WDR70: variants seen among roughly 807,000 people sequenced by gnomAD.
The protein encoded by WDR70 is WD repeat domain 70, also known as WD repeat-containing protein 70.
A neutral mutation model predicts 88.6 loss-of-function variants in WDR70; 53 were observed. The ratio of observed to expected loss-of-function variants is 0.60; its 90% confidence interval spans 0.48 to 0.75. The LOEUF (loss-of-function observed/expected upper bound fraction) is 0.75, where lower values mean the gene tolerates loss of function less well. Ranked by LOEUF, WDR70 falls within the 30% of genes least tolerant of loss-of-function variation. The pLI, the probability that WDR70 is intolerant of heterozygous loss-of-function variation, is 0.00. For synonymous variants in WDR70, 280 were observed against 270.0 expected (o/e 1.04, Z -0.36); for missense variants, 610 against 823.2 (o/e 0.74, Z 3.17).
At chr5:37,379,695 C>A in intron 2 of WDR70, 141 bp downstream of exon 2, 1 of 904,534 alleles carries the variant, frequency 1.1e-6, no homozygotes, top group Non-Finnish European at 1.8e-6. Flanking sequence ...ATTCTTCTCC[C>A]ATTTGTCTTC....
chr5:37,543,918 A>G (rs1434515943), intron 9 of WDR70, among the ~76,000 whole-genome samples: 2 of 152,044 alleles, frequency 1.3e-5, no homozygotes, highest in Admixed American at 1.3e-4. Context: ...ACAGGTGCCC[A>G]CTGCCACACC....
chr5:37,495,496 G>A (rs895480177), intron 8 of WDR70, among the ~76,000 whole-genome samples: 3 of 151,972 alleles, frequency 2.0e-5, no homozygotes, highest in African/African-American at 7.3e-5. Context: ...GCGTGTGTGT[G>A]TGTGTGTTTT....
At chr5:37,694,887 C>T (rs1746937036) in intron 10 of WDR70, among the ~76,000 whole-genome samples, 1 of 151,972 alleles carries the variant, frequency 6.6e-6, no homozygotes, top group African/African-American at 2.4e-5. Context: ...TCATGCTACT[C>T]CTCTGCCTAA....
chr5:37,623,673 C>T (rs1744580875), intron 10 of WDR70, among the ~76,000 whole-genome samples: 1 of 152,030 alleles, frequency 6.6e-6, no homozygotes, highest in African/African-American at 2.4e-5. Context: ...TTTAAGTTCT[C>T]CAGGGGTGGT....
At chr5:37,420,988 C>T (rs948452481) in intron 5 of WDR70, among the ~76,000 whole-genome samples, 2 of 152,108 alleles carry the variant, frequency 1.3e-5, no homozygotes, top group African/African-American at 2.4e-5. Context: ...CAACAGTTAG[C>T]GGATCCTTCT....
At chr5:37,666,888 G>C (rs1038759117) in intron 10 of WDR70, among the ~76,000 whole-genome samples, 1 of 152,144 alleles carries the variant, frequency 6.6e-6, no homozygotes, top group Non-Finnish European at 1.5e-5. Flanking sequence ...GGAAAGTGGG[G>C]ATAATAATAG....
chr5:37,581,597 T>C (rs1249830320), intron 9 of WDR70, among the ~76,000 whole-genome samples: 1 of 151,962 alleles, frequency 6.6e-6, no homozygotes, highest in Non-Finnish European at 1.5e-5. Flanking sequence ...ATCAAAGCAA[T>C]GCAGTCTAAA....
At chr5:37,626,360 A>G (rs1332985901) in intron 10 of WDR70, among the ~76,000 whole-genome samples, 4 of 152,240 alleles carry the variant, frequency 2.6e-5, no homozygotes, top group African/African-American at 4.8e-5. Context: ...TTCTACATCT[A>G]TTGAGATCAT....
At chr5:37,524,251 A>T (rs1402149677) in intron 9 of WDR70, among the ~76,000 whole-genome samples, 1 of 152,240 alleles carries the variant, frequency 6.6e-6, no homozygotes, top group Non-Finnish European at 1.5e-5. Context: ...TTACTCACAA[A>T]GGGAAGCCCA....
At chr5:37,403,004 T>C (rs1157254146) in intron 5 of WDR70, among the ~76,000 whole-genome samples, 1 of 129,620 alleles carries the variant, frequency 7.7e-6, no homozygotes, top group African/African-American at 2.8e-5. Context: ...TGGAGTGCAC[T>C]GGCACGATCT....
intron 9 of WDR70, among the ~76,000 whole-genome samples, chr5:37,595,363 A>C (rs1465911157): frequency 6.6e-6 from 1 of 152,032 alleles, no homozygotes; most frequent in East Asian, 1.9e-4. Context: ...TAACAGCATA[A>C]TACATATGGA....
At chr5:37,483,256 G>C (rs1047333985) in intron 8 of WDR70, among the ~76,000 whole-genome samples, 2 of 151,796 alleles carry the variant, frequency 1.3e-5, no homozygotes, top group African/African-American at 4.8e-5. Context: ...GCGGCCTTCC[G>C]CAGTGTTTGT....
chr5:37,670,426 C>T (rs1317304667), intron 10 of WDR70, among the ~76,000 whole-genome samples: 1 of 152,076 alleles, frequency 6.6e-6, no homozygotes, highest in African/African-American at 2.4e-5. Context: ...AAGCAAGTCG[C>T]GTGTCCATAC....
At chr5:37,655,081 G>A (rs944218013) in intron 10 of WDR70, among the ~76,000 whole-genome samples, 3 of 152,128 alleles carry the variant, frequency 2.0e-5, no homozygotes, top group African/African-American at 2.4e-5. Context: ...GCAGTGGCTG[G>A]TACTGGTTTT....
At chr5:37,399,372 G>C (rs2111914665) in intron 5 of WDR70, among the ~76,000 whole-genome samples, 1 of 152,294 alleles carries the variant, frequency 6.6e-6, no homozygotes, top group East Asian at 1.9e-4. Context: ...AGTGAGTCAA[G>C]ATTGCACCAC....
At chr5:37,737,162 A>C (rs986832489) in intron 17 of WDR70, among the ~76,000 whole-genome samples, 3 of 152,156 alleles carry the variant, frequency 2.0e-5, no homozygotes, top group Admixed American at 2.0e-4. Context: ...TACTTATACT[A>C]TGCCAGGCTT....
At chr5:37,605,002 T>A (rs1387003605) in intron 9 of WDR70, 62 bp from the exon 10 acceptor site, 1 of 1,439,958 alleles carries the variant, frequency 6.9e-7, no homozygotes, top group African/African-American at 1.5e-5. Flanking sequence ...CTTCCCTATT[T>A]TAACCTCCCC....
intron 9 of WDR70, among the ~76,000 whole-genome samples, chr5:37,565,013 A>G (rs1187947403): frequency 6.6e-6 from 1 of 152,224 alleles, no homozygotes; most frequent in Non-Finnish European, 1.5e-5. Flanking sequence ...CAAATACAAA[A>G]TAAGTTATTA....
chr5:37,384,173 C>CTTTTTTTTTT (rs57075180), intron 3 of WDR70, among the ~76,000 whole-genome samples: 3 of 107,868 alleles, frequency 2.8e-5, no homozygotes, highest in Non-Finnish European at 5.6e-5. Context: ...ACTTTCCCCC[C>CTTTTTTTTTT]TTTTTTTTTT....
Sources: gnomAD v4.1 joint callset for allele counts (sites outside exome capture counted in the v4.1 genomes callset) on GRCh38, gnomAD v4.1.1 for gene constraint, MANE v1.5 for transcripts, NCBI Gene and HGNC (gene_info 2026-07-23, HGNC 2026-07-21) for gene names.